The following SPAG1 variants were observed in gnomAD, a reference collection of about 807,000 sequenced individuals.
SPAG1 encodes the protein sperm-associated antigen 1.
Under a neutral mutation model 100.5 loss-of-function variants are expected in SPAG1, and 69 were observed. The ratio of observed to expected loss-of-function variants is 0.69; its 90% CI spans 0.57 to 0.84. The LOEUF (loss-of-function observed/expected upper bound fraction) is 0.84, where lower values mean the gene tolerates loss of function less well. Among genes scored for constraint, SPAG1 ranks in the 40% least tolerant of loss-of-function variants. The probability of loss-of-function intolerance (pLI) is 0.00; values close to 1 mark genes in which losing one functional copy is unlikely to be tolerated. For missense variants in SPAG1, 955 were observed against 1,133.1 expected (o/e 0.84, Z 2.26); for synonymous variants, 336 against 411.6 (o/e 0.82, Z 2.22).
intron 14 of SPAG1, among the ~76,000 whole-genome samples, chr8:100,228,263 T>C (rs1204927434): frequency 6.6e-6 from 1 of 152,060 alleles, no homozygotes; most frequent in African/African-American, 2.4e-5. Flanking sequence ...ATTGTTTACA[T>C]TCTGAGTTTA....
chr8:100,166,124 CATTGCG>C (rs1255701620), intron 3 of SPAG1, 151 bp downstream of exon 3: 1 of 614,454 alleles, frequency 1.6e-6, no homozygotes, highest in Non-Finnish European at 2.8e-6. Context: ...CCCAGGGGAA[CATTGCG>C]AATTCGCGTG....
intron 12 of SPAG1, among the ~76,000 whole-genome samples, chr8:100,217,315 A>C (rs1818041332): frequency 6.6e-6 from 1 of 152,192 alleles, no homozygotes; most frequent in South Asian, 2.1e-4. Context: ...AATTTAAAAT[A>C]AGAGGAGAAA....
chr8:100,214,393 C>T (rs1817876074), intron 12 of SPAG1, among the ~76,000 whole-genome samples: 1 of 152,196 alleles, frequency 6.6e-6, no homozygotes, highest in South Asian at 2.1e-4. Context: ...TCTCTGAGCC[C>T]TTGCCCATGT....
At chr8:100,164,215 A>G (rs1815442960) in intron 2 of SPAG1, among the ~76,000 whole-genome samples, 1 of 152,166 alleles carries the variant, frequency 6.6e-6, no homozygotes, top group Non-Finnish European at 1.5e-5. Context: ...CTCCTTGTTG[A>G]AAAGGAAGTC....
intron 10 of SPAG1, among the ~76,000 whole-genome samples, chr8:100,199,738 C>T (rs1445196756): frequency 5.3e-5 from 8 of 152,146 alleles, no homozygotes; most frequent in African/African-American, 1.7e-4. Context: ...TGAGCCACTG[C>T]GCTCAGCCTC....
In SPAG1 at chr8:100,172,545, A is replaced by G. The variant is rs527675461; in HGVS notation, c.301-5271A>G. 1.2e-3 allele frequency among the ~76,000 whole-genome samples: 181 copies of G among 152,110 alleles called. 1 individual carries two copies. The Middle Eastern group carries it at 0.014, about 11-fold the overall frequency. On this transcript the variant is annotated intron_variant, in intron 3 of 18. Transcript: ENST00000388798. ...TGAGGCATGAGAATCACTTGAACCC[A>G]GGAGGTGGAGGTTGTAGTGAGCAAA... is the stretch of plus-strand genomic sequence containing the variant.
At chr8:100,194,358 AATCT>A (rs747215251) in intron 10 of SPAG1, 90 bp downstream of exon 10, 42 of 1,533,428 alleles carry the variant, frequency 2.7e-5, no homozygotes, top group Non-Finnish European at 3.7e-5. Flanking sequence ...AGAAATTCGT[AATCT>A]ATCAGTTTTT....
At chr8:100,236,508 G>A (rs922130172) in intron 16 of SPAG1, among the ~76,000 whole-genome samples, 1 of 152,292 alleles carries the variant, frequency 6.6e-6, no homozygotes, top group African/African-American at 2.4e-5. Context: ...GCCCAGGCCT[G>A]TTTGCCCAGG....
At chr8:100,167,786 A>C (rs1412481686) in intron 3 of SPAG1, among the ~76,000 whole-genome samples, 1 of 152,216 alleles carries the variant, frequency 6.6e-6, no homozygotes, top group African/African-American at 2.4e-5. Context: ...CATTTCCATC[A>C]CCACTAAAAG....
In SPAG1 at chr8:100,190,668, T is replaced by C. The variant is rs539745501; in HGVS notation, c.833-722T>C. Among the ~76,000 whole-genome samples, 902 of 144,268 alleles carry C rather than the reference T, an allele frequency of 6.3e-3. 9 individuals carry two copies. Among genetic ancestry groups the C allele is most frequent in the African/African-American group, 0.022 (862 of 38,694 alleles). The allele number at this position is 144,268 out of a possible 152,430, so 94.6% of individuals were successfully genotyped here. A position where few individuals can be genotyped will look rare whatever the true frequency, so the allele number is the denominator to read the frequency against. ...CAGTAATATACTTTTTTTTTCTTTT[T>C]TTTTTTTTTTTTTGGAGACAGAGTC... On this transcript the variant is annotated intron_variant, in intron 8 of 18. Coordinates refer to ENST00000388798, the MANE Select transcript of SPAG1 (RefSeq NM_003114.5).
chr8:100,234,495 A>C (rs1236712530), intron 16 of SPAG1, among the ~76,000 whole-genome samples: 1 of 152,186 alleles, frequency 6.6e-6, no homozygotes, highest in Non-Finnish European at 1.5e-5. Context: ...ATTGTTTTGG[A>C]CATTACCATA....
intron 3 of SPAG1, among the ~76,000 whole-genome samples, chr8:100,168,699 G>GTTTTTTTTTTTTTTTTTTTTTT (rs1199690445): frequency 9.3e-6 from 1 of 107,214 alleles, no homozygotes; most frequent in African/African-American, 3.9e-5. Flanking sequence ...TTTTTTTTTT[G>GTTTTTTTTTTTTTTTTTTTTTT]TTGTTGAGAC....
At chr8:100,213,604 G>A (rs1228932474) in intron 11 of SPAG1, among the ~76,000 whole-genome samples, 176 bp downstream of exon 11, 1 of 152,178 alleles carries the variant, frequency 6.6e-6, no homozygotes, top group Non-Finnish European at 1.5e-5. Flanking sequence ...CAGCACCTGG[G>A]AATGCCGGCA....
rs34049816 is a variant in SPAG1, at chr8:100,227,841, ATTTT to A, written c.1855+2522_1855+2525del. ...GTACCATTTGACCCTATTGTGTCAG[ATTTT>A]TTTTTTTTTTTTTTTTTTTGAGACA... is the stretch of plus-strand genomic sequence containing the variant. On this transcript the variant is annotated intron_variant, in intron 14 of 18. Coordinates refer to ENST00000388798, the MANE Select transcript of SPAG1 (RefSeq NM_003114.5). Among the ~76,000 whole-genome samples, 505 of 103,762 alleles carry A rather than the reference ATTTT, an allele frequency of 4.9e-3. 6 individuals carry two copies. Among genetic ancestry groups the A allele is most frequent in the African/African-American group, 0.019 (491 of 25,324 alleles). The allele number at this position is 103,762 out of a possible 152,430, so 68.1% of individuals were successfully genotyped here. A position where few individuals can be genotyped will look rare whatever the true frequency, so the allele number is the denominator to read the frequency against.
intron 7 of SPAG1, among the ~76,000 whole-genome samples, chr8:100,185,696 A>G (rs1484745197): frequency 6.6e-6 from 1 of 152,246 alleles, no homozygotes; most frequent in African/African-American, 2.4e-5. Context: ...AGAATCACTA[A>G]TGCTACCTTA....
At chr8:100,177,035 G>A (rs547683674) in intron 3 of SPAG1, among the ~76,000 whole-genome samples, 1 of 151,548 alleles carries the variant, frequency 6.6e-6, no homozygotes, top group African/African-American at 2.4e-5. Flanking sequence ...GGTAGCTTAT[G>A]CCAGATCTTA....
intron 12 of SPAG1, among the ~76,000 whole-genome samples, chr8:100,215,364 A>T (rs573703797): frequency 1.3e-5 from 2 of 152,292 alleles, no homozygotes; most frequent in East Asian, 3.9e-4. Context: ...CTATTAGTAC[A>T]TCTAAAAAAG....
At chr8:100,158,061 G>A (rs1476614532), upstream of SPAG1, 1 of 152,402 alleles carries the variant, frequency 6.6e-6, no homozygotes, top group Non-Finnish European at 1.5e-5. Context: ...AGCACCTGCA[G>A]TGCAGCCAGA....
At chr8:100,176,369 C>CTTTTT (rs1816116260) in intron 3 of SPAG1, among the ~76,000 whole-genome samples, 1 of 142,822 alleles carries the variant, frequency 7.0e-6, no homozygotes, top group Non-Finnish European at 1.5e-5. Flanking sequence ...TTTTTTCTTT[C>CTTTTT]TTTCTTTTTT....
Sources: gnomAD v4.1 joint callset for allele counts (sites outside exome capture counted in the v4.1 genomes callset) on GRCh38, gnomAD v4.1.1 for gene constraint, MANE v1.5 for transcripts, NCBI Gene and HGNC (gene_info 2026-07-23, HGNC 2026-07-21) for gene names.